ADCY8: variants seen among roughly 807,000 people sequenced by gnomAD.
ADCY8 encodes the protein adenylate cyclase 8.
A neutral mutation model predicts 119.7 loss-of-function variants in ADCY8; 51 were observed. The observed-to-expected ratio is 0.43, with a 90% CI of 0.34 to 0.54. The LOEUF is 0.54. Among genes scored for constraint, ADCY8 ranks in the 20% least tolerant of loss-of-function variants. The pLI, the probability that ADCY8 is intolerant of heterozygous loss-of-function variation, is 0.03. For synonymous variants in ADCY8, 665 were observed against 651.0 expected, an observed-to-expected ratio of 1.02 and a Z score of -0.33; for missense variants, 1,383 against 1,598.8, an observed-to-expected ratio of 0.87 and a Z score of 2.30.
intron 7 of ADCY8, among the ~76,000 whole-genome samples, chr8:130,894,933 T>A (rs990911898): frequency 1.3e-5 from 2 of 152,078 alleles, no homozygotes; most frequent in Non-Finnish European, 2.9e-5. Flanking sequence ...TGAACTGCGC[T>A]GTGTCAAACA....
chr8:131,039,418 G>A lies in ADCY8; in HGVS notation c.916C>T (p.Leu306Phe), dbSNP rs755106708. Reference protein sequence around the residue: ...GLGTSLLQVILQVVIPRLAVI... With the variant: ...GLGTSLLQVIFQVVIPRLAVI... The stretch of plus-strand genomic sequence containing the variant: ...GCCAGCCGGGGTATGACCACTTGGA[G>A]GATGACCTGCAGCAGCGAGGTGCCC... Residue 306 changes from leucine to phenylalanine, a missense_variant, in exon 1 of 18, where the codon CTC (leucine) becomes TTC (phenylalanine). Transcript: ENST00000286355. 17 of 1,614,166 alleles carry A rather than the reference G, an allele frequency of 1.1e-5. No individual in the cohort carries two copies. The highest frequency in any genetic ancestry group is 1.4e-5 in the Non-Finnish European group (17 of 1,180,042).
At chr8:130,927,872 TC>T (rs1359553398) in intron 5 of ADCY8, among the ~76,000 whole-genome samples, 5 of 152,210 alleles carry the variant, frequency 3.3e-5, no homozygotes, top group Admixed American at 3.3e-4. Context: ...GACATCCCTG[TC>T]TTTTTTCAGA....
intron 7 of ADCY8, among the ~76,000 whole-genome samples, chr8:130,889,809 T>A (rs1056612635): frequency 4.9e-4 from 75 of 152,292 alleles, no homozygotes; most frequent in African/African-American, 1.8e-3. Context: ...ACACCTAACA[T>A]AATCTGACCT....
intron 1 of ADCY8, among the ~76,000 whole-genome samples, chr8:131,015,853 G>T (rs911495426): frequency 2.6e-5 from 4 of 152,154 alleles, no homozygotes; most frequent in African/African-American, 9.7e-5. Context: ...CAAATCTGAT[G>T]ATTCCAAATG....
At chr8:131,021,006 G>T (rs926876378) in intron 1 of ADCY8, among the ~76,000 whole-genome samples, 2 of 152,048 alleles carry the variant, frequency 1.3e-5, no homozygotes, top group Non-Finnish European at 2.9e-5. Flanking sequence ...AAATGTAAAT[G>T]GCTCTATTTG....
At chr8:130,913,846 CT>C (rs1820051116) in intron 5 of ADCY8, among the ~76,000 whole-genome samples, 1 of 152,184 alleles carries the variant, frequency 6.6e-6, no homozygotes. Context: ...ATATCACAGA[CT>C]TTAGTGCTAG....
intron 11 of ADCY8, among the ~76,000 whole-genome samples, chr8:130,842,865 C>CT (rs1817188360): frequency 1.6e-5 from 2 of 127,716 alleles, no homozygotes; most frequent in Admixed American, 1.7e-4. Context: ...GAGTGACACT[C>CT]TGTCTCAAAA....
chr8:130,884,460 A>C (rs1818901659), intron 8 of ADCY8, 104 bp downstream of exon 8: 1 of 1,262,744 alleles, frequency 7.9e-7, no homozygotes, highest in African/African-American at 1.5e-5. Context: ...CAAAGCAAAC[A>C]AACAAAGAAA....
chr8:130,911,330 A>G (rs960452030), intron 5 of ADCY8, among the ~76,000 whole-genome samples: 2 of 152,198 alleles, frequency 1.3e-5, no homozygotes, highest in Non-Finnish European at 2.9e-5. Flanking sequence ...TAATGTTTAA[A>G]TATCTTCTAA....
At chr8:130,948,475 A>G (rs1315167531) in intron 3 of ADCY8, among the ~76,000 whole-genome samples, 3 of 152,120 alleles carry the variant, frequency 2.0e-5, no homozygotes, top group Non-Finnish European at 4.4e-5. Flanking sequence ...GAGGTGATGC[A>G]GTCGAAGTCT....
chr8:130,814,050 A>C lies in ADCY8; in HGVS notation c.2913+19T>G. On this transcript the variant is annotated intron_variant, in intron 14 of 17. Transcript: ENST00000286355. The stretch of plus-strand genomic sequence containing the variant: ...CCACCACCACCCTTTCTCACTGGCT[A>C]GACCAGCCCCTGGCTCACCTCATTG... 1 of 1,613,912 alleles carries C rather than the reference A, an allele frequency of 6.2e-7. No homozygotes were observed.
intron 7 of ADCY8, among the ~76,000 whole-genome samples, chr8:130,903,529 C>CA (rs35960116): frequency 0.013 from 1,646 of 122,722 alleles, 25 homozygotes; most frequent in African/African-American, 0.033. Flanking sequence ...AGCTAGGTTA[C>CA]AAAAAAAAAA....
chr8:130,853,956 TA>T (rs1817624396), intron 9 of ADCY8, among the ~76,000 whole-genome samples: 2 of 152,308 alleles, frequency 1.3e-5, no homozygotes, highest in East Asian at 3.9e-4. Context: ...CATAAAGTAG[TA>T]TAATAAAAAT....
chr8:131,001,911 G>C (rs1822959948), intron 1 of ADCY8, among the ~76,000 whole-genome samples: 1 of 152,118 alleles, frequency 6.6e-6, no homozygotes, highest in South Asian at 2.1e-4. Flanking sequence ...GAGTAGAGGG[G>C]GTGCTTAGGG....
chr8:130,958,253 A>G (rs560218561), intron 2 of ADCY8, among the ~76,000 whole-genome samples: 10 of 152,242 alleles, frequency 6.6e-5, no homozygotes, highest in Non-Finnish European at 1.5e-4. Flanking sequence ...GTGGGTAGTA[A>G]AAAGAGAGAG....
At chr8:130,991,820 G>A (rs1822587474) in intron 1 of ADCY8, among the ~76,000 whole-genome samples, 2 of 152,130 alleles carry the variant, frequency 1.3e-5, no homozygotes. Flanking sequence ...TTTGCTCAGT[G>A]ACATTCTAGC....
chr8:131,039,664 C>T lies in ADCY8; in HGVS notation c.670G>A (p.Val224Ile), dbSNP rs1405199632. 3.7e-6 allele frequency: 6 copies of T among 1,614,164 alleles called. No homozygotes were observed. The highest frequency in any genetic ancestry group is 5.1e-6 in the Non-Finnish European group (6 of 1,180,036). ...ACCACCACCAGGGCGCAGATCACTA[C>T]CTCAATGCCGGTGAAGAAGCCCAGC... ...ILLGFFTGIE[V>I]VICALVVVRK... The change falls in exon 1 of 18, where the codon GTA becomes ATA. Residue 224 changes from valine (V) to isoleucine (I), a missense_variant. Physicochemically the swap from Val to Ile is conservative, Grantham distance 29. Around this residue, in one of 2 missense-constraint regions of ADCY8, gnomAD observed 455 missense variants for 435.3 expected, o/e 1.05. Transcript: ENST00000286355.
intron 11 of ADCY8, among the ~76,000 whole-genome samples, chr8:130,841,777 C>A (rs1247302379): frequency 6.6e-6 from 1 of 152,176 alleles, no homozygotes; most frequent in South Asian, 2.1e-4. Flanking sequence ...ATCAAGCAGA[C>A]AATTTTCAAA....
At chr8:130,884,085 CTG>C (rs1818885861) in intron 8 of ADCY8, among the ~76,000 whole-genome samples, 1 of 152,126 alleles carries the variant, frequency 6.6e-6, no homozygotes, top group Admixed American at 6.6e-5. Flanking sequence ...TCAGAAGACT[CTG>C]AGGCAGCAGA....
Sources: gnomAD v4.1 joint callset for allele counts (sites outside exome capture counted in the v4.1 genomes callset) on GRCh38, gnomAD v4.1.1 for gene constraint, gnomAD v4.1.1 regional missense constraint, MANE v1.5 for transcripts, NCBI Gene and HGNC (gene_info 2026-07-23, HGNC 2026-07-21) for gene names.